Variants in PRKG1 observed in about 807,000 individuals in gnomAD.
PRKG1 encodes the protein protein kinase cGMP-dependent 1.
In PRKG1, 35 loss-of-function variants were observed where a neutral mutation model predicts 88.1. That is an observed-to-expected ratio of 0.40 (90% confidence interval 0.30 to 0.53). The LOEUF (loss-of-function observed/expected upper bound fraction) is 0.53. Among genes scored for constraint, PRKG1 ranks in the 20% least tolerant of loss-of-function variants. The pLI, the probability that PRKG1 is intolerant of heterozygous loss-of-function variation, is 0.59. For missense variants in PRKG1, 540 were observed against 839.8 expected, an observed-to-expected ratio of 0.64 and a Z score of 4.41; for synonymous variants, 303 against 292.5, an observed-to-expected ratio of 1.04 and a Z score of -0.37.
intron 3 of PRKG1, among the ~76,000 whole-genome samples, chr10:51,485,158 A>G (rs1840492631): frequency 2.0e-5 from 3 of 152,192 alleles, no homozygotes; most frequent in African/African-American, 7.2e-5. Flanking sequence ...TTTGGGCCAT[A>G]TTAGTAAATG....
intron 3 of PRKG1, among the ~76,000 whole-genome samples, chr10:51,487,113 C>T (rs1840569170): frequency 2.0e-5 from 3 of 151,940 alleles, no homozygotes; most frequent in Admixed American, 6.6e-5. Context: ...GTTAAAAGTA[C>T]GTAAACCTTA....
At chr10:52,186,445 C>T (rs1225585933) in intron 9 of PRKG1, among the ~76,000 whole-genome samples, 1 of 151,812 alleles carries the variant, frequency 6.6e-6, no homozygotes, top group Non-Finnish European at 1.5e-5. Flanking sequence ...ATCCAATCAC[C>T]TCCTGCTATT....
intron 5 of PRKG1, among the ~76,000 whole-genome samples, chr10:51,969,721 A>G (rs1381854058): frequency 6.6e-6 from 1 of 152,076 alleles, no homozygotes; most frequent in Non-Finnish European, 1.5e-5. Flanking sequence ...AATGCAATAC[A>G]ATTGTATTCC....
chr10:52,120,117 T>A (rs2132609297), intron 7 of PRKG1, among the ~76,000 whole-genome samples: 1 of 152,122 alleles, frequency 6.6e-6, no homozygotes, highest in South Asian at 2.1e-4. Context: ...CTTGCTTTTA[T>A]AACAAACTCA....
At chr10:51,895,068 A>T (rs1275036070) in intron 4 of PRKG1, among the ~76,000 whole-genome samples, 1 of 152,200 alleles carries the variant, frequency 6.6e-6, no homozygotes, top group Non-Finnish European at 1.5e-5. Flanking sequence ...TCTTTTTTGA[A>T]TCATTTAAAA....
intron 2 of PRKG1, among the ~76,000 whole-genome samples, chr10:51,450,967 A>G (rs1406281804): frequency 2.0e-5 from 3 of 151,934 alleles, no homozygotes; most frequent in Admixed American, 6.6e-5. Flanking sequence ...AAGTGTATTC[A>G]GCTAACTAGG....
chr10:51,428,391 T>G (rs1179755310), intron 2 of PRKG1, among the ~76,000 whole-genome samples: 2 of 152,206 alleles, frequency 1.3e-5, no homozygotes, highest in Non-Finnish European at 2.9e-5. Context: ...CATTTATGGC[T>G]TCACTAAATC....
chr10:52,110,278 G>A (rs1227554862), intron 7 of PRKG1, among the ~76,000 whole-genome samples: 1 of 152,052 alleles, frequency 6.6e-6, no homozygotes, highest in East Asian at 1.9e-4. Flanking sequence ...CTTGCAGTGA[G>A]CGGAGATCGC....
chr10:52,178,353 T>C (rs1838921751), intron 9 of PRKG1, among the ~76,000 whole-genome samples: 1 of 152,132 alleles, frequency 6.6e-6, no homozygotes, highest in Non-Finnish European at 1.5e-5. Flanking sequence ...TTTTACTCCA[T>C]GTGGTCAGAT....
At chr10:51,549,042 TAGG>T (rs1340864280) in intron 3 of PRKG1, among the ~76,000 whole-genome samples, 14 of 151,978 alleles carry the variant, frequency 9.2e-5, no homozygotes, top group Admixed American at 3.3e-4. Context: ...AATCATGTTA[TAGG>T]TGGTTCTTTT....
intron 3 of PRKG1, among the ~76,000 whole-genome samples, chr10:51,765,287 G>C (rs2132534818): frequency 6.6e-6 from 1 of 152,294 alleles, no homozygotes; most frequent in Non-Finnish European, 1.5e-5. Context: ...CCTCACTAGA[G>C]CAATTTTCAC....
intron 9 of PRKG1, among the ~76,000 whole-genome samples, chr10:52,251,086 C>A (rs2132399677): frequency 6.6e-6 from 1 of 152,086 alleles, no homozygotes; most frequent in East Asian, 1.9e-4. Flanking sequence ...GCTCCAGAGA[C>A]CTCCGTGATC....
At chr10:52,025,028 G>A (rs549929340) in intron 5 of PRKG1, among the ~76,000 whole-genome samples, 5 of 152,268 alleles carry the variant, frequency 3.3e-5, no homozygotes, top group African/African-American at 9.6e-5. Flanking sequence ...CATTCTAACT[G>A]GTGTGAGATG....
At chr10:52,025,664 C>T (rs1368976813) in intron 5 of PRKG1, among the ~76,000 whole-genome samples, 2 of 151,642 alleles carry the variant, frequency 1.3e-5, no homozygotes, top group Non-Finnish European at 2.9e-5. Context: ...TCTGAGGTCT[C>T]TGTTCTGTTC....
intron 1 of PRKG1, among the ~76,000 whole-genome samples, chr10:51,151,203 C>A (rs1376786834): frequency 6.6e-6 from 1 of 150,862 alleles, no homozygotes; most frequent in Admixed American, 6.6e-5. Context: ...GATTAATTTT[C>A]TGAATGCCAA....
At position 51,261,048 on chromosome 10, in the gene PRKG1, G is replaced by A. The variant is rs553946137; in HGVS notation, c.478+107718G>A. Among the ~76,000 whole-genome samples, 8 of 152,210 alleles carry A rather than the reference G, an allele frequency of 5.3e-5. No homozygotes were observed. In the South Asian group the frequency reaches 8.3e-4, roughly 16 times the overall value. On this transcript the variant is annotated intron_variant, in intron 2 of 17. Coordinates refer to ENST00000373980, the MANE Select transcript of PRKG1 (RefSeq NM_006258.4). ...TCCTCAGCAAATTTTCAAGGGATTG[G>A]AACATTTCCCAACCTTTTCCAAGCA...
At chr10:51,137,303 C>T (rs1382649416) in intron 1 of PRKG1, among the ~76,000 whole-genome samples, 2 of 152,066 alleles carry the variant, frequency 1.3e-5, no homozygotes, top group Non-Finnish European at 2.9e-5. Context: ...GATCCAAAAT[C>T]CTGTAATTAA....
At chr10:52,279,131 A>G (rs946158593) in intron 12 of PRKG1, among the ~76,000 whole-genome samples, 1 of 152,128 alleles carries the variant, frequency 6.6e-6, no homozygotes, top group Non-Finnish European at 1.5e-5. Flanking sequence ...CTTGACAGGT[A>G]AACATACTTA....
rs144840573 is a variant in PRKG1, at chr10:51,339,019, G to T, written c.479-128704G>T. ...GCATATATCCATTTCACTGTCACATGTAAGTATTCATTAAATTGGGGGAAT... is the reference window on the plus strand; with the variant it reads ...GCATATATCCATTTCACTGTCACATTTAAGTATTCATTAAATTGGGGGAAT... On this transcript the variant is annotated intron_variant, in intron 2 of 17. Transcript: ENST00000373980. Among the ~76,000 whole-genome samples, 71 of 152,282 alleles carry T rather than the reference G, an allele frequency of 4.7e-4. No homozygotes were observed. The East Asian group carries it at 0.012, about 25-fold the overall frequency.
Sources: allele counts gnomAD v4.1 joint callset (sites outside exome capture counted in the v4.1 genomes callset), GRCh38; gene constraint gnomAD v4.1.1; transcripts MANE v1.5; gene names NCBI Gene and HGNC (gene_info 2026-07-23, HGNC 2026-07-21).